The following SLC2A9 variants were observed in gnomAD, a reference collection of about 807,000 sequenced individuals.
SLC2A9 encodes solute carrier family 2 member 9, also known as solute carrier family 2, facilitated glucose transporter member 9.
SLC2A9 carries 39 observed loss-of-function variants against 50.6 expected under a neutral mutation model. That is an observed-to-expected ratio of 0.77 (90% CI 0.60 to 1.01). The LOEUF (loss-of-function observed/expected upper bound fraction) is 1.01, where lower values mean the gene tolerates loss of function less well. SLC2A9 is among the 50% of genes least tolerant of loss of function. The pLI is 0.00. For missense variants in SLC2A9, 686 were observed against 677.6 expected (o/e 1.01, Z -0.14); for synonymous variants, 324 against 276.9 (o/e 1.17, Z -1.69).
chr4:9,877,609 C>T lies in SLC2A9; in HGVS notation c.1291+9958G>A, dbSNP rs140762984. Among the ~76,000 whole-genome samples the T allele has an allele frequency of 2.9e-3, 439 of 152,280 alleles. 6 individuals carry two copies. Among genetic ancestry groups the T allele is most frequent in the African/African-American group, 0.01 (431 of 41,542 alleles). Reference sequence around the variant, plus strand: ...TCCAGTAAGCAATACTTATTCATTCCCAGGTCTGTCTCTTCTGTGGGCTCC... The same window carrying T: ...TCCAGTAAGCAATACTTATTCATTCTCAGGTCTGTCTCTTCTGTGGGCTCC... On this transcript the variant is annotated intron_variant, in intron 10 of 11. Coordinates refer to ENST00000264784, the MANE Select transcript of SLC2A9 (RefSeq NM_020041.3).
At chr4:9,800,991 T>A (rs1721327531) in intron 3 of SLC2A9, among the ~76,000 whole-genome samples, 1 of 152,182 alleles carries the variant, frequency 6.6e-6, no homozygotes, top group South Asian at 2.1e-4. Context: ...TTCTCATGGA[T>A]GCCACAGCAG....
At chr4:10,010,267 G>A (rs1761542332) in intron 2 of SLC2A9, among the ~76,000 whole-genome samples, 1 of 152,206 alleles carries the variant, frequency 6.6e-6, no homozygotes, top group South Asian at 2.1e-4. Flanking sequence ...TGGGAGGAGA[G>A]AGAACACCAG....
intron 3 of SLC2A9, among the ~76,000 whole-genome samples, chr4:9,816,714 A>C (rs1723643341): frequency 6.6e-6 from 1 of 152,164 alleles, no homozygotes; most frequent in Non-Finnish European, 1.5e-5. Context: ...CTTGTGACTC[A>C]GTTGATTATA....
intron 10 of SLC2A9, among the ~76,000 whole-genome samples, chr4:9,844,565 GC>G (rs1198035482): frequency 2.6e-5 from 4 of 152,164 alleles, no homozygotes; most frequent in African/African-American, 9.7e-5. Flanking sequence ...ATTGAATTAT[GC>G]ACGTTCTTCA....
At chr4:10,019,570 G>T (rs1041633916) in intron 1 of SLC2A9, among the ~76,000 whole-genome samples, 1 of 152,366 alleles carries the variant, frequency 6.6e-6, no homozygotes, top group East Asian at 1.9e-4. Context: ...CTAGGATGGG[G>T]ACTGAAGTCC....
intron 6 of SLC2A9, among the ~76,000 whole-genome samples, chr4:9,923,232 A>C (rs1304050211): frequency 6.6e-6 from 1 of 152,186 alleles, no homozygotes; most frequent in African/African-American, 2.4e-5. Flanking sequence ...CACTAGGGAA[A>C]AGCAAGAGAC....
chr4:10,022,741 G>A (rs1006708003), upstream of SLC2A9, among the ~76,000 whole-genome samples: 9 of 152,168 alleles, frequency 5.9e-5, no homozygotes, highest in Non-Finnish European at 8.8e-5. Context: ...TGTGGAGTAC[G>A]GCAGACATTC....
chr4:9,892,685 A>T (rs1737734592), intron 8 of SLC2A9, among the ~76,000 whole-genome samples: 1 of 152,246 alleles, frequency 6.6e-6, no homozygotes, highest in East Asian at 1.9e-4. Context: ...AAATAGACTC[A>T]TGAACAAAAG....
chr4:9,937,023 G>A (rs995808130), intron 6 of SLC2A9, among the ~76,000 whole-genome samples: 12 of 152,146 alleles, frequency 7.9e-5, no homozygotes, highest in African/African-American at 2.4e-4. Flanking sequence ...TGGAATTGAA[G>A]GTACGTTGAG....
At chr4:9,811,365 T>C (rs1722872435) in intron 3 of SLC2A9, among the ~76,000 whole-genome samples, 1 of 152,232 alleles carries the variant, frequency 6.6e-6, no homozygotes, top group Admixed American at 6.5e-5. Flanking sequence ...TGAAGAGATG[T>C]TGTATGAGTT....
chr4:9,907,579 A>C (rs544645541), intron 8 of SLC2A9, among the ~76,000 whole-genome samples: 7 of 152,348 alleles, frequency 4.6e-5, no homozygotes, highest in South Asian at 4.1e-4. Context: ...TGGGGTAATG[A>C]GATGACTGCT....
intron 5 of SLC2A9, among the ~76,000 whole-genome samples, chr4:9,980,389 A>T (rs1354707415): frequency 6.6e-6 from 1 of 152,226 alleles, no homozygotes; most frequent in Non-Finnish European, 1.5e-5. Context: ...AACATTCTAT[A>T]AGGTTTCAAT....
chr4:9,895,978 C>T (rs1375495109), intron 8 of SLC2A9, among the ~76,000 whole-genome samples: 1 of 152,210 alleles, frequency 6.6e-6, no homozygotes, highest in African/African-American at 2.4e-5. Flanking sequence ...GATCAGTATT[C>T]CATTGCATGG....
upstream of SLC2A9, among the ~76,000 whole-genome samples, chr4:10,025,542 C>T (rs537480540): frequency 3.9e-5 from 6 of 152,202 alleles, no homozygotes; most frequent in South Asian, 1.2e-3. Context: ...AGGGGCAGGT[C>T]GACTAAGCTT....
At chr4:9,923,457 A>G (rs1744304464) in intron 6 of SLC2A9, among the ~76,000 whole-genome samples, 2 of 152,176 alleles carry the variant, frequency 1.3e-5, no homozygotes, top group Non-Finnish European at 1.5e-5. Context: ...ATGGCTCCAC[A>G]TGACTCTTGT....
chr4:9,803,616 A>G (rs1721746975), intron 3 of SLC2A9, among the ~76,000 whole-genome samples: 1 of 152,212 alleles, frequency 6.6e-6, no homozygotes, highest in South Asian at 2.1e-4. Flanking sequence ...ATTGACAGCT[A>G]TGGAGACATG....
chr4:10,030,484 G>A (rs1180818519), intron 1 of SLC2A9, among the ~76,000 whole-genome samples: 2 of 152,132 alleles, frequency 1.3e-5, no homozygotes, highest in African/African-American at 4.8e-5. Context: ...TAATTTGGAT[G>A]TGTCAATATA....
At chr4:9,893,216 C>A (rs1024806907) in intron 8 of SLC2A9, among the ~76,000 whole-genome samples, 4 of 151,966 alleles carry the variant, frequency 2.6e-5, no homozygotes, top group African/African-American at 9.7e-5. Flanking sequence ...ACTTTTCTGC[C>A]CCCCCACCCC....
At chr4:9,943,065 T>G (rs1331654108) in intron 5 of SLC2A9, among the ~76,000 whole-genome samples, 1 of 152,148 alleles carries the variant, frequency 6.6e-6, no homozygotes, top group Non-Finnish European at 1.5e-5. Context: ...TGGCAGGGCC[T>G]GGGGACAGCC....
Sources: gnomAD v4.1 joint callset for allele counts (sites outside exome capture counted in the v4.1 genomes callset) on GRCh38, gnomAD v4.1.1 for gene constraint, MANE v1.5 for transcripts, NCBI Gene and HGNC (gene_info 2026-07-23, HGNC 2026-07-21) for gene names.